Variants in SPIRE1 observed in about 807,000 individuals in gnomAD.
The protein encoded by SPIRE1 is protein spire homolog 1.
Under a neutral mutation model 94.1 loss-of-function variants are expected in SPIRE1, and 40 were observed. The ratio of observed to expected loss-of-function variants is 0.43; its 90% CI spans 0.33 to 0.55. The LOEUF (loss-of-function observed/expected upper bound fraction) is 0.55, where lower values mean the gene tolerates loss of function less well. SPIRE1 is among the 20% of genes least tolerant of loss of function. The probability of loss-of-function intolerance (pLI) is 0.06; values close to 1 mark genes in which losing one functional copy is unlikely to be tolerated. For missense variants in SPIRE1, 838 were observed against 975.2 expected (o/e 0.86, Z 1.87); for synonymous variants, 376 against 371.7 (o/e 1.01, Z -0.13).
intron 5 of SPIRE1, among the ~76,000 whole-genome samples, chr18:12,511,603 TG>T (rs1391042766): frequency 2.6e-5 from 4 of 152,182 alleles, no homozygotes; most frequent in African/African-American, 4.8e-5. Flanking sequence ...TCAGAGACAT[TG>T]GGGGTGGTTT....
chr18:12,517,124 A>G (rs759971731), intron 4 of SPIRE1, among the ~76,000 whole-genome samples: 1 of 152,136 alleles, frequency 6.6e-6, no homozygotes, highest in Non-Finnish European at 1.5e-5. Flanking sequence ...TATCTTTTGG[A>G]TTTTATAGAA....
chr18:12,461,496 AC>A (rs1474682547), intron 12 of SPIRE1, among the ~76,000 whole-genome samples: 1 of 148,750 alleles, frequency 6.7e-6, no homozygotes. Context: ...GTGTGTATGC[AC>A]GTACATATGT....
At chr18:12,650,656 G>A (rs1288136904) in intron 1 of SPIRE1, among the ~76,000 whole-genome samples, 1 of 146,572 alleles carries the variant, frequency 6.8e-6, no homozygotes, top group Non-Finnish European at 1.5e-5. Context: ...GTTGCAGTAA[G>A]CCAAGATCAC....
intron 2 of SPIRE1, among the ~76,000 whole-genome samples, chr18:12,568,889 G>A (rs12963100): frequency 1.1e-5 from 1 of 92,410 alleles, no homozygotes; most frequent in Non-Finnish European, 3.1e-5. Flanking sequence ...GTGATCCAGC[G>A]TGATCCAGCC....
chr18:12,636,893 T>C (rs2037943339), intron 1 of SPIRE1, among the ~76,000 whole-genome samples: 2 of 152,200 alleles, frequency 1.3e-5, no homozygotes, highest in South Asian at 2.1e-4. Context: ...TCCCATAAAA[T>C]TGGTAATTAA....
At chr18:12,619,363 C>T (rs1300053500) in intron 2 of SPIRE1, among the ~76,000 whole-genome samples, 1 of 151,764 alleles carries the variant, frequency 6.6e-6, no homozygotes, top group Non-Finnish European at 1.5e-5. Flanking sequence ...AAAAAATTAG[C>T]CAGGCGTGGT....
chr18:12,454,121 T>C (rs1278953922), intron 13 of SPIRE1, among the ~76,000 whole-genome samples: 1 of 152,170 alleles, frequency 6.6e-6, no homozygotes, highest in East Asian at 1.9e-4. Flanking sequence ...ATATTTGTTA[T>C]GGTTGCTTGA....
chr18:12,461,542 T>TGCAC (rs2031843564), intron 12 of SPIRE1, among the ~76,000 whole-genome samples: 2 of 149,494 alleles, frequency 1.3e-5, no homozygotes, highest in Admixed American at 1.3e-4. Context: ...TACGTACATA[T>TGCAC]GTATATACAT....
chr18:12,460,892 C>G (rs1476273776), intron 12 of SPIRE1, among the ~76,000 whole-genome samples: 1 of 152,126 alleles, frequency 6.6e-6, no homozygotes, highest in Admixed American at 6.6e-5. Context: ...TTATGGATTT[C>G]CCAAGATAAG....
intron 12 of SPIRE1, among the ~76,000 whole-genome samples, chr18:12,455,636 G>A (rs2143529863): frequency 6.6e-6 from 1 of 152,260 alleles, no homozygotes; most frequent in Admixed American, 6.5e-5. Flanking sequence ...TCCCCATCCG[G>A]CCCCGCACTT....
chr18:12,645,084 C>T (rs1028055676), intron 1 of SPIRE1, among the ~76,000 whole-genome samples: 35 of 144,404 alleles, frequency 2.4e-4, no homozygotes, highest in African/African-American at 8.4e-4. Context: ...GGTCTCCACA[C>T]ACACATACAA....
upstream of SPIRE1, chr18:12,661,379 A>G: frequency 1.0e-6 from 1 of 984,304 alleles, no homozygotes; most frequent in Non-Finnish European, 1.2e-6. Flanking sequence ...GTGACTGCTG[A>G]CCACTCAAAG....
At chr18:12,527,530 C>T (rs1289867350) in intron 4 of SPIRE1, among the ~76,000 whole-genome samples, 2 of 152,062 alleles carry the variant, frequency 1.3e-5, no homozygotes, top group African/African-American at 2.4e-5. Flanking sequence ...TTTCTTCCCC[C>T]AAGTACATAA....
intron 2 of SPIRE1, among the ~76,000 whole-genome samples, chr18:12,573,900 C>T (rs1329985660): frequency 2.0e-5 from 3 of 152,024 alleles, no homozygotes; most frequent in African/African-American, 4.8e-5. Context: ...CCACCACGCC[C>T]GGCTAATTTT....
At position 12,535,643 on chromosome 18, in the gene SPIRE1, T is replaced by C. The variant is rs375204528; in HGVS notation, c.604-42A>G. On this transcript the variant is annotated intron_variant, in intron 3 of 16. Transcript: ENST00000409402. ...TAAAATAATGGTGCTTGGTTACTATTTGGGTTTTTTTTGTACTTAAAAACA... is the reference window on the plus strand; with the variant it reads ...TAAAATAATGGTGCTTGGTTACTATCTGGGTTTTTTTTGTACTTAAAAACA... 2.5e-6 allele frequency: 4 copies of C among 1,582,456 alleles called. No homozygotes were observed. In the East Asian group the frequency reaches 6.8e-5, roughly 27 times the overall value.
At chr18:12,654,804 C>T (rs1248079638) in intron 1 of SPIRE1, among the ~76,000 whole-genome samples, 4 of 152,030 alleles carry the variant, frequency 2.6e-5, no homozygotes, top group Non-Finnish European at 4.4e-5. Context: ...CCGAGGCAGG[C>T]GGATCATGAG....
At chr18:12,646,607 CAATTATCTCT>C (rs1241800933) in intron 1 of SPIRE1, among the ~76,000 whole-genome samples, 4 of 151,962 alleles carry the variant, frequency 2.6e-5, no homozygotes, top group African/African-American at 9.7e-5. Context: ...CACTACCCTC[CAATTATCTCT>C]ATTTATATTT....
intron 10 of SPIRE1, among the ~76,000 whole-genome samples, chr18:12,469,788 T>C (rs554148270): frequency 6.8e-6 from 1 of 147,790 alleles, no homozygotes; most frequent in Non-Finnish European, 1.5e-5. Context: ...CGAGGTCTCA[T>C]GAGACTCTTA....
At chr18:12,459,719 A>G (rs1043285579) in intron 12 of SPIRE1, 2 of 982,258 alleles carry the variant, frequency 2.0e-6, no homozygotes, top group African/African-American at 1.7e-5. Flanking sequence ...GATACAGAGA[A>G]TGAAATAATC....
Sources: gnomAD v4.1 joint callset for allele counts (sites outside exome capture counted in the v4.1 genomes callset) on GRCh38, gnomAD v4.1.1 for gene constraint, MANE v1.5 for transcripts, NCBI Gene and HGNC (gene_info 2026-07-23, HGNC 2026-07-21) for gene names.